RND1: variants seen among roughly 807,000 people sequenced by gnomAD.
The protein encoded by RND1 is Rho family GTPase 1, also known as rho-related GTP-binding protein Rho6.
Under a neutral mutation model 27.1 loss-of-function variants are expected in RND1, and 9 were observed. The ratio of observed to expected loss-of-function variants is 0.33; its 90% CI spans 0.20 to 0.58. RND1 has a LOEUF of 0.58. RND1 is among the 20% of genes least tolerant of loss of function. The probability of loss-of-function intolerance (pLI) is 0.86; values close to 1 mark genes in which losing one functional copy is unlikely to be tolerated. For synonymous variants in RND1, 108 were observed against 115.7 expected, an observed-to-expected ratio of 0.93 and a Z score of 0.43; for missense variants, 253 against 292.2, an observed-to-expected ratio of 0.87 and a Z score of 0.98.
intron 4 of RND1, among the ~76,000 whole-genome samples, chr12:48,860,555 C>CT (rs1471138852): frequency 5.3e-5 from 7 of 131,214 alleles, no homozygotes; most frequent in African/African-American, 1.1e-4. Flanking sequence ...CCACACCCAG[C>CT]TATTTTTTTT....
chr12:48,862,315 C>A, intron 2 of RND1, 197 bp from the exon 3 acceptor site: 1 of 514,108 alleles, frequency 1.9e-6, no homozygotes, highest in East Asian at 3.4e-5. Context: ...CCCCTTAGTC[C>A]AGAAAAAGGG....
At chr12:48,864,670 A>C (rs1938963681) in intron 2 of RND1, 113 bp downstream of exon 2, 1 of 836,228 alleles carries the variant, frequency 1.2e-6, no homozygotes, top group Admixed American at 1.7e-5. Flanking sequence ...ATGAGTCTTC[A>C]GATCCTCTTT....
intron 4 of RND1, 82 bp from the exon 5 acceptor site, chr12:48,858,323 A>G (rs1938870971): frequency 6.8e-7 from 1 of 1,463,482 alleles, no homozygotes; most frequent in Non-Finnish European, 9.1e-7. Context: ...CCCCAGGGCC[A>G]CTCCAGAGGG....
Position 48,860,966 on chromosome 12 carries a change from C to G in RND1, c.453+31G>C, listed in dbSNP as rs371847251. On this transcript the variant is annotated intron_variant, in intron 4 of 4. Transcript: ENST00000309739. ...TCTGCCTCTAGCCTTCCTCACTCCA[C>G]CCCACGACATGCACTTGCATGCGCA... 12 of 1,611,992 alleles carry G rather than the reference C, an allele frequency of 7.4e-6. No individual in the cohort carries two copies. The African/African-American group carries it at 1.6e-4, about 22-fold the overall frequency.
rs536796947 is a variant in RND1 at position 48,857,236 on chromosome 12, C to T, written c.*760G>A. ...AGATTGAAACACTCCCCCCCTCCCC[C>T]CAATTCCAAAGACAAGAGTCTATAA... On this transcript the variant is annotated 3_prime_UTR_variant, in exon 5 of 5. Coordinates refer to ENST00000309739, the MANE Select transcript of RND1 (RefSeq NM_014470.4). 1.3e-5 allele frequency: 2 copies of T among 151,246 alleles called. No individual in the cohort carries two copies. Among genetic ancestry groups the T allele is most frequent in the Non-Finnish European group, 3.0e-5 (2 of 67,730 alleles). The allele number at this position is 151,246 out of a possible 1,614,324, so 9.4% of individuals were successfully genotyped here. A position where few individuals can be genotyped will look rare whatever the true frequency, so the allele number is the denominator to read the frequency against.
chr12:48,862,067 G>A lies in RND1; in HGVS notation c.260C>T (p.Ala87Val). The A allele has an allele frequency of 6.2e-7, 1 of 1,613,674 alleles. No homozygotes were observed. Among genetic ancestry groups the A allele is most frequent in the South Asian group, 1.1e-5 (1 of 91,080 alleles). Residue 87 changes from alanine (A) to valine (V), a missense_variant, in exon 3 of 5, where the codon GCA becomes GTA. By Grantham distance (64) the Ala-to-Val change is moderately conservative. Transcript: ENST00000309739. ...VRPLCYSDSDAVLLCFDISRP... is the reference protein window; with the variant it reads ...VRPLCYSDSDVVLLCFDISRP... ...GCTGATGTCAAAACATAGTAATACT[G>A]CATCCGAGTCGCTGTAGCAGAGTGG...
chr12:48,860,499 C>T (rs1344914771), intron 4 of RND1, among the ~76,000 whole-genome samples: 3 of 151,842 alleles, frequency 2.0e-5, no homozygotes, highest in Non-Finnish European at 4.4e-5. Flanking sequence ...AGCAGCGGTC[C>T]TCCCACCTCA....
intron 4 of RND1, 176 bp from the exon 5 acceptor site, chr12:48,858,417 C>A: frequency 1.6e-6 from 1 of 635,342 alleles, no homozygotes; most frequent in Non-Finnish European, 2.6e-6. Flanking sequence ...TGGCATACAC[C>A]CTGTCTGATG....
chr12:48,865,837 C>G lies in RND1; in HGVS notation c.-70G>C, dbSNP rs552208279. ...GTTGCGCCAGGTGCGTCTCAGCACG[C>G]CAATCAAGCCAGATTCCCTGCCTCC... is the stretch of plus-strand genomic sequence containing the variant. On this transcript the variant is annotated 5_prime_UTR_variant, in exon 1 of 5. Transcript: ENST00000309739. 4 of 1,517,670 alleles carry G rather than the reference C, an allele frequency of 2.6e-6. No homozygotes were observed. In the South Asian group the frequency reaches 5.2e-5, roughly 20 times the overall value. The allele number at this position is 1,517,670 out of a possible 1,614,324, so 94.0% of individuals were successfully genotyped here.
chr12:48,862,984 G>A (rs1238270486), intron 2 of RND1, among the ~76,000 whole-genome samples: 1 of 151,864 alleles, frequency 6.6e-6, no homozygotes, highest in Non-Finnish European at 1.5e-5. Context: ...GGGGGATGTT[G>A]GTCATTAAAA....
At chr12:48,859,868 C>G (rs888467604) in intron 4 of RND1, among the ~76,000 whole-genome samples, 2 of 152,154 alleles carry the variant, frequency 1.3e-5, no homozygotes, top group African/African-American at 4.8e-5. Context: ...CTAGGCAGAT[C>G]ACACTTTTTT....
intron 3 of RND1, among the ~76,000 whole-genome samples, chr12:48,861,482 G>C (rs572557561): frequency 6.6e-6 from 1 of 152,276 alleles, no homozygotes; most frequent in East Asian, 1.9e-4. Context: ...ATGCCAGGGG[G>C]AAGCCAACCA....
intron 2 of RND1, among the ~76,000 whole-genome samples, chr12:48,863,879 C>T (rs4760637): frequency 0.017 from 2,624 of 152,108 alleles, 277 homozygotes; most frequent in Admixed American, 0.16. Flanking sequence ...TTCTCTTATT[C>T]CCGGCTTTTA....
chr12:48,861,092 C>T lies in RND1; in HGVS notation c.358G>A (p.Val120Ile), dbSNP rs377652733. ...TCTGTCTTGCAGCCAATGAGCAAAA[C>T]GCGGGTGCTGGGACAATAATCTAGG... Reference protein sequence around the residue: ...EILDYCPSTRVLLIGCKTDLR... With the variant: ...EILDYCPSTRILLIGCKTDLR... The change falls in exon 4 of 5, where the codon GTT becomes ATT. Residue 120 changes from valine to isoleucine, a missense_variant. Val to Ile is a conservative substitution (Grantham distance 29). Transcript: ENST00000309739. 1.1e-5 allele frequency: 18 copies of T among 1,613,752 alleles called. No individual in the cohort carries two copies. Among genetic ancestry groups the T allele is most frequent in the Non-Finnish European group, 1.4e-5 (17 of 1,179,836 alleles).
chr12:48,865,159 T>A (rs912699547), intron 1 of RND1, among the ~76,000 whole-genome samples: 7 of 152,122 alleles, frequency 4.6e-5, no homozygotes, highest in Admixed American at 1.3e-4. Context: ...TCCCCAGATT[T>A]GTGTTTCCCA....
chr12:48,858,501 T>C (rs1189251176), intron 4 of RND1: 5 of 352,728 alleles, frequency 1.4e-5, no homozygotes, highest in South Asian at 5.1e-5. Flanking sequence ...ACTATATTGA[T>C]GCCAAACTAA....
chr12:48,860,971 C>T (rs766414476), intron 4 of RND1, 26 bp downstream of exon 4: 27 of 1,612,176 alleles, frequency 1.7e-5, no homozygotes, highest in Admixed American at 5.0e-5. Context: ...CTCCACCCCA[C>T]GACATGCACT....
In RND1 at chr12:48,862,094, C is replaced by T. The variant is rs551476838; in HGVS notation, c.233G>A (p.Arg78His). Residue 78 changes from arginine (R) to histidine (H), a missense_variant, in exon 3 of 5, where the codon CGT (arginine) becomes CAT (histidine). Transcript: ENST00000309739. ...TSGSPYYDNV[R>H]PLCYSDSDAV... is the part of the protein sequence containing the mutation. ...ATCCGAGTCGCTGTAGCAGAGTGGA[C>T]GGACATTATCGTAGTAGGGAGATCC... 4 of 1,611,490 alleles carry T rather than the reference C, an allele frequency of 2.5e-6. No homozygotes were observed. Among genetic ancestry groups the T allele is most frequent in the Non-Finnish European group, 2.5e-6 (3 of 1,177,880 alleles).
intron 4 of RND1, chr12:48,859,004 G>T (rs1327209391): frequency 2.0e-5 from 3 of 147,834 alleles, no homozygotes; most frequent in Non-Finnish European, 4.5e-5. Flanking sequence ...TGTTGCCCAG[G>T]CTGGAGTGCA....
Sources: gnomAD v4.1 joint callset for allele counts (sites outside exome capture counted in the v4.1 genomes callset) on GRCh38, gnomAD v4.1.1 for gene constraint, MANE v1.5 for transcripts, NCBI Gene and HGNC (gene_info 2026-07-23, HGNC 2026-07-21) for gene names.